Variants in FAT3 observed in about 807,000 individuals in gnomAD.
FAT3 encodes the protein FAT atypical cadherin 3, also known as protocadherin Fat 3.
Under a neutral mutation model 310.2 loss-of-function variants are expected in FAT3, and 95 were observed. The observed-to-expected ratio is 0.31, with a 90% CI of 0.26 to 0.36. The LOEUF is 0.36. Among genes scored for constraint, FAT3 ranks in the 10% least tolerant of loss-of-function variants. The probability of loss-of-function intolerance (pLI) is 1.00; values close to 1 mark genes in which losing one functional copy is unlikely to be tolerated. For synonymous variants in FAT3, 2,314 were observed against 2,192.9 expected (o/e 1.06, Z -1.54); for missense variants, 5,408 against 5,715.6 (o/e 0.95, Z 1.74).
intron 2 of FAT3, among the ~76,000 whole-genome samples, chr11:92,416,394 A>G (rs952555134): frequency 1.8e-4 from 27 of 151,612 alleles, no homozygotes; most frequent in Non-Finnish European, 2.5e-4. Flanking sequence ...AAAAAAAAAA[A>G]AAAGAAAGAA....
intron 3 of FAT3, among the ~76,000 whole-genome samples, chr11:92,534,332 G>T (rs1365952835): frequency 6.6e-6 from 1 of 152,176 alleles, no homozygotes; most frequent in Non-Finnish European, 1.5e-5. Context: ...TTTGACCAGG[G>T]TCACCCAGCT....
intron 3 of FAT3, among the ~76,000 whole-genome samples, chr11:92,579,832 A>G (rs1037352575): frequency 6.6e-6 from 1 of 152,122 alleles, no homozygotes. Context: ...TGAAACACCT[A>G]TGCACCCCAA....
intron 4 of FAT3, among the ~76,000 whole-genome samples, chr11:92,700,003 T>C (rs1028283801): frequency 6.6e-6 from 1 of 152,108 alleles, no homozygotes. Context: ...ACTCACCTGG[T>C]GTACCAGGGA....
At position 92,840,492 on chromosome 11, in the gene FAT3, T is replaced by C. The variant is rs148533268; in HGVS notation, c.10369-70T>C. 6.0e-4 allele frequency: 818 copies of C among 1,364,166 alleles called. 4 individuals carry two copies. The African/African-American group carries it at 0.011, about 18-fold the overall frequency. 84.5% of individuals were successfully genotyped at this position (1,364,166 alleles called of 1,614,324 possible). A position where few individuals can be genotyped will look rare whatever the true frequency, so the allele number is the denominator to read the frequency against. On this transcript the variant is annotated intron_variant, in intron 17 of 27. Coordinates refer to ENST00000525166, the MANE Select transcript of FAT3 (RefSeq NM_001367949.2). ...ATGATGGTATTTTTGATTTGTTTTG[T>C]TTTGTTTTAATGAATGTGAAGAGAA...
chr11:92,499,486 G>T (rs967241718), intron 2 of FAT3, among the ~76,000 whole-genome samples: 9 of 151,946 alleles, frequency 5.9e-5, no homozygotes, highest in Non-Finnish European at 1.3e-4. Context: ...TAATATCAAC[G>T]GTTTTGATTA....
intron 4 of FAT3, among the ~76,000 whole-genome samples, chr11:92,753,324 A>G (rs891435673): frequency 3.3e-5 from 5 of 152,224 alleles, no homozygotes; most frequent in Non-Finnish European, 5.9e-5. Flanking sequence ...GAGAGGCTCC[A>G]AATAAGAACC....
intron 3 of FAT3, among the ~76,000 whole-genome samples, chr11:92,667,470 G>T (rs1241517594): frequency 6.6e-6 from 1 of 152,106 alleles, no homozygotes; most frequent in Non-Finnish European, 1.5e-5. Context: ...TCCCGTCCAA[G>T]GTAATTTTGA....
intron 3 of FAT3, among the ~76,000 whole-genome samples, chr11:92,689,240 G>A (rs1345817085): frequency 6.6e-6 from 1 of 152,088 alleles, no homozygotes; most frequent in Non-Finnish European, 1.5e-5. Context: ...ATGCTTCCTG[G>A]ACTAGATAAT....
intron 4 of FAT3, among the ~76,000 whole-genome samples, chr11:92,715,847 G>A (rs763511582): frequency 6.6e-6 from 1 of 151,882 alleles, no homozygotes; most frequent in Non-Finnish European, 1.5e-5. Context: ...GATGATTCAA[G>A]CAGAAGATAT....
chr11:92,398,664 C>G (rs893387416), intron 2 of FAT3, among the ~76,000 whole-genome samples: 2 of 152,102 alleles, frequency 1.3e-5, no homozygotes, highest in Non-Finnish European at 2.9e-5. Context: ...GGGATACCTA[C>G]CCAGCTAGGG....
At chr11:92,645,541 G>C (rs1841064) in intron 3 of FAT3, among the ~76,000 whole-genome samples, 1 of 149,126 alleles carries the variant, frequency 6.7e-6, no homozygotes, top group African/African-American at 2.5e-5. Context: ...ATTTGTACTA[G>C]AAATGTGTTG....
intron 3 of FAT3, among the ~76,000 whole-genome samples, chr11:92,626,581 G>T (rs1189083928): frequency 6.6e-6 from 1 of 151,962 alleles, no homozygotes; most frequent in Non-Finnish European, 1.5e-5. Flanking sequence ...TCTTTTCGGG[G>T]GGCACTTATT....
intron 1 of FAT3, among the ~76,000 whole-genome samples, chr11:92,234,268 C>T (rs1022060767): frequency 1.3e-5 from 2 of 152,070 alleles, no homozygotes; most frequent in African/African-American, 2.4e-5. Context: ...TTAAATTTCT[C>T]AAAGAGATGC....
At chr11:92,845,297 G>A (rs932617096) in intron 19 of FAT3, among the ~76,000 whole-genome samples, 6 of 152,366 alleles carry the variant, frequency 3.9e-5, no homozygotes, top group South Asian at 4.1e-4. Flanking sequence ...GATGAGAAGC[G>A]AAGAAATGGC....
chr11:92,432,467 A>T (rs1950812325), intron 2 of FAT3, among the ~76,000 whole-genome samples: 1 of 151,998 alleles, frequency 6.6e-6, no homozygotes, highest in Non-Finnish European at 1.5e-5. Flanking sequence ...CTTTTTGTTG[A>T]TGTTCATGCT....
chr11:92,543,727 C>T (rs1026041818), intron 3 of FAT3, among the ~76,000 whole-genome samples: 7 of 152,142 alleles, frequency 4.6e-5, no homozygotes, highest in Non-Finnish European at 8.8e-5. Context: ...CAACACTCTC[C>T]GACCTTTAAT....
intron 2 of FAT3, among the ~76,000 whole-genome samples, chr11:92,401,127 G>A (rs1268089336): frequency 6.6e-6 from 1 of 152,162 alleles, no homozygotes; most frequent in Non-Finnish European, 1.5e-5. Context: ...GTTACCTGGA[G>A]CAGAAACCAC....
intron 3 of FAT3, among the ~76,000 whole-genome samples, chr11:92,546,233 G>A (rs947173085): frequency 7.9e-5 from 12 of 152,182 alleles, no homozygotes; most frequent in African/African-American, 2.9e-4. Context: ...CAGATCCTCT[G>A]CCCTTCCATC....
intron 3 of FAT3, among the ~76,000 whole-genome samples, chr11:92,662,972 C>G (rs1242934020): frequency 1.3e-5 from 2 of 152,206 alleles, no homozygotes; most frequent in African/African-American, 4.8e-5. Context: ...GGCCCGGTTC[C>G]TCACAGACTC....
Sources: allele counts gnomAD v4.1 joint callset (sites outside exome capture counted in the v4.1 genomes callset), GRCh38; gene constraint gnomAD v4.1.1; transcripts MANE v1.5; gene names NCBI Gene and HGNC (gene_info 2026-07-23, HGNC 2026-07-21).